The following PLEKHM1 variants were observed in gnomAD, a reference collection of about 807,000 sequenced individuals.
PLEKHM1 encodes the protein pleckstrin homology domain-containing family M member 1.
Under a neutral mutation model 94.3 loss-of-function variants are expected in PLEKHM1, and 28 were observed. That is an observed-to-expected ratio of 0.30 (90% CI 0.22 to 0.41). The LOEUF (loss-of-function observed/expected upper bound fraction) is 0.41, where lower values mean the gene tolerates loss of function less well. PLEKHM1 is among the 10% of genes least tolerant of loss of function. PLEKHM1 has a pLI of 1.00. For missense variants in PLEKHM1, 907 were observed against 1,358.6 expected, an observed-to-expected ratio of 0.67 and a Z score of 5.22; for synonymous variants, 424 against 581.2, an observed-to-expected ratio of 0.73 and a Z score of 3.89.
chr17:45,446,055 C>T, intron 8 of PLEKHM1: 1 of 326,512 alleles, frequency 3.1e-6, no homozygotes, highest in Non-Finnish European at 5.8e-6. Context: ...CCCTTCTGTG[C>T]CCTGACTCAG....
At chr17:45,482,942 A>G (rs1474980303) in intron 1 of PLEKHM1, among the ~76,000 whole-genome samples, 1 of 151,812 alleles carries the variant, frequency 6.6e-6, no homozygotes, top group Non-Finnish European at 1.5e-5. Flanking sequence ...GCAGGGGCTC[A>G]CAGGCTCACA....
intron 11 of PLEKHM1, 74 bp from the exon 12 acceptor site, chr17:45,438,043 T>C: frequency 8.8e-7 from 1 of 1,131,122 alleles, no homozygotes; most frequent in South Asian, 1.2e-5. Flanking sequence ...GGCCAGCCCT[T>C]TTGACCAGAA....
In PLEKHM1 at chr17:45,485,344, C is replaced by A. The variant is rs1200211858; in HGVS notation, c.-41-2819G>T. On this transcript the variant is annotated intron_variant, in intron 1 of 11. Transcript: ENST00000430334. ...TGGCTCCGAAACCCTGGGCTCCAAT[C>A]CCAGTCCACAATTTCCAGTGGCCTG... Among the ~76,000 whole-genome samples, 3 of 152,122 alleles carry A rather than the reference C, an allele frequency of 2.0e-5. No individual in the cohort carries two copies. In the East Asian group the frequency reaches 5.8e-4, roughly 29 times the overall value.
At chr17:45,461,112 C>T (rs1470728276) in intron 5 of PLEKHM1, among the ~76,000 whole-genome samples, 1 of 152,208 alleles carries the variant, frequency 6.6e-6, no homozygotes, top group African/African-American at 2.4e-5. Flanking sequence ...TGGTCTCGAT[C>T]TCCTGACCTC....
chr17:45,483,324 C>T lies in PLEKHM1; in HGVS notation c.-41-799G>A, dbSNP rs71373591. On this transcript the variant is annotated intron_variant, in intron 1 of 11. Coordinates refer to ENST00000430334, the MANE Select transcript of PLEKHM1 (RefSeq NM_014798.3). ...GATGTGGCCACCTAAACCTACAGAC[C>T]AAGAATGTCATCACCTAAATGAGTA... Among the ~76,000 whole-genome samples, 1,328 of 151,762 alleles carry T rather than the reference C, an allele frequency of 8.8e-3. 14 individuals carry two copies. The highest frequency in any genetic ancestry group is 0.03 in the African/African-American group (1,255 of 41,308).
At chr17:45,446,427 T>C (rs1345577677) in intron 8 of PLEKHM1, among the ~76,000 whole-genome samples, 1 of 152,198 alleles carries the variant, frequency 6.6e-6, no homozygotes, top group African/African-American at 2.4e-5. Flanking sequence ...TTATACAACC[T>C]GCCTGCAGAA....
intron 9 of PLEKHM1, 172 bp from the exon 10 acceptor site, chr17:45,440,398 C>T (rs528631620): frequency 1.5e-6 from 1 of 688,254 alleles, no homozygotes; most frequent in Non-Finnish European, 2.6e-6. Context: ...TGGTCTTCAA[C>T]GTAACTAACT....
intron 2 of PLEKHM1, among the ~76,000 whole-genome samples, chr17:45,481,054 C>G (rs1351270033): frequency 6.6e-6 from 1 of 152,174 alleles, no homozygotes; most frequent in Non-Finnish European, 1.5e-5. Flanking sequence ...GTTCCAATCT[C>G]TCCACATTTT....
chr17:45,486,870 G>A (rs1336203473), intron 1 of PLEKHM1, among the ~76,000 whole-genome samples: 2 of 152,182 alleles, frequency 1.3e-5, no homozygotes, highest in East Asian at 1.9e-4. Flanking sequence ...AACTCACGGC[G>A]GGAATCAGAA....
intron 3 of PLEKHM1, chr17:45,475,982 TACA>T (rs1440592424): frequency 7.1e-6 from 4 of 564,712 alleles, no homozygotes; most frequent in Non-Finnish European, 1.3e-5. Context: ...ACTCTGTCTC[TACA>T]ACAACAACAT....
rs372315224 is a variant in PLEKHM1 at position 45,468,389 on chromosome 17, C to G, written c.1128G>C (p.Pro376=). Residue 376 remains proline (P), a synonymous_variant, in exon 5 of 12, where the codon CCG becomes CCC. Coordinates refer to ENST00000430334, the MANE Select transcript of PLEKHM1 (RefSeq NM_014798.3). ...GTQDGVHVQE[P]RPQAPSPLDL... ...CCAGGGGGCTGGGCGCCTGGGGACG[C>G]GGCTCCTGCACGTGGACACCATCTT... The G allele has an allele frequency of 6.2e-7, 1 of 1,614,198 alleles. No homozygotes were observed. Among genetic ancestry groups the G allele is most frequent in the Non-Finnish European group, 8.5e-7 (1 of 1,180,042 alleles).
chr17:45,438,010 G>A (rs1411132516), intron 11 of PLEKHM1, 41 bp from the exon 12 acceptor site: 1 of 1,529,588 alleles, frequency 6.5e-7, no homozygotes, highest in Admixed American at 1.7e-5. Flanking sequence ...CGGCTGGGCT[G>A]GAGGTTGCCC....
intron 3 of PLEKHM1, chr17:45,476,018 G>T: frequency 2.1e-6 from 1 of 475,660 alleles, no homozygotes; most frequent in Admixed American, 3.3e-5. Flanking sequence ...TGGCTTGCAC[G>T]TGTAGTCCCA....
rs1459847997 is a variant in PLEKHM1, at chr17:45,445,578, T to C, written c.2729A>G (p.Glu910Gly). The change falls in exon 9 of 12, where the codon GAG becomes GGG. Residue 910 changes from glutamate (E) to glycine (G), a missense_variant. Glu to Gly is a moderately conservative substitution (Grantham distance 98). This residue lies in a region of PLEKHM1 where 254 missense variants were observed against 451.1 expected (regional missense o/e 0.56). Coordinates refer to ENST00000430334, the MANE Select transcript of PLEKHM1 (RefSeq NM_014798.3). This position sits in a 1 kb window ranked among gnomAD's most constrained non-coding sequence, Gnocchi z 4.2. ...AATGAGGTGCATCCGCTCCACATGC[T>C]CGTACAGAGACGCGTTCACCATCTG... is the stretch of plus-strand genomic sequence containing the variant. ...NLQMVNASLYEHVERMHLIGR... is the reference protein window; with the variant it reads ...NLQMVNASLYGHVERMHLIGR... 6.2e-7 allele frequency: 1 copy of C among 1,613,614 alleles called. No homozygotes were observed. Among genetic ancestry groups the C allele is most frequent in the African/African-American group, 1.3e-5 (1 of 74,910 alleles).
intron 9 of PLEKHM1, among the ~76,000 whole-genome samples, chr17:45,443,529 G>A (rs540813072): frequency 2.2e-4 from 33 of 152,358 alleles, no homozygotes; most frequent in African/African-American, 7.2e-4. Flanking sequence ...CCCAGGGATG[G>A]AGCAGGAGGG....
Position 45,478,121 on chromosome 17 carries a change from G to A in PLEKHM1, c.75C>T (p.Ser25=), listed in dbSNP as rs142414584. Residue 25 remains serine (S), a synonymous_variant, in exon 3 of 12, where the codon TCC becomes TCT. Transcript: ENST00000430334. ...CGTACTGCTTCTGCAAGGCCTTCACGGATCCCACCAGCTTCTTCTTGATGA... is the reference window on the plus strand; with the variant it reads ...CGTACTGCTTCTGCAAGGCCTTCACAGATCCCACCAGCTTCTTCTTGATGA... ...IPVIKKKLVG[S]VKALQKQYVS... 4.4e-5 allele frequency: 71 copies of A among 1,614,162 alleles called. No individual in the cohort carries two copies. In the Middle Eastern group the frequency reaches 4.9e-4, roughly 11 times the overall value.
At chr17:45,440,443 T>A in intron 9 of PLEKHM1, 2 of 618,412 alleles carry the variant, frequency 3.2e-6, no homozygotes, top group Admixed American at 2.7e-5. Flanking sequence ...ACTTAACCTC[T>A]CTGAACCTTG....
intron 1 of PLEKHM1, chr17:45,487,934 A>G (rs1210372852): frequency 2.4e-5 from 9 of 373,216 alleles, no homozygotes; most frequent in African/African-American, 1.5e-4. Context: ...TGTTTTTTCA[A>G]TTGGAAAAGA....
rs34754162 is a variant in PLEKHM1 at position 45,444,314 on chromosome 17, T to C, written c.2837+1156A>G. 4.8e-3 allele frequency among the ~76,000 whole-genome samples: 726 copies of C among 152,298 alleles called. 5 individuals are homozygous for C. Among genetic ancestry groups the C allele is most frequent in the African/African-American group, 0.017 (690 of 41,554 alleles). ...CTGAGGTCTGCCCTCCTGAGGGTGC[T>C]GGGAGAGTACAGCCCTGGGAAGACT... On this transcript the variant is annotated intron_variant, in intron 9 of 11. Coordinates refer to ENST00000430334, the MANE Select transcript of PLEKHM1 (RefSeq NM_014798.3). This position sits in a 1 kb window ranked among gnomAD's most constrained non-coding sequence, Gnocchi z 5.0.
Sources: gnomAD v4.1 joint callset for allele counts (sites outside exome capture counted in the v4.1 genomes callset) on GRCh38, gnomAD v4.1.1 for gene constraint, gnomAD v4.1.1 regional missense constraint, Gnocchi (gnomAD v3.1) non-coding constraint, MANE v1.5 for transcripts, NCBI Gene and HGNC (gene_info 2026-07-23, HGNC 2026-07-21) for gene names.